Variants in CLEC18A observed in about 807,000 individuals in gnomAD.
The protein encoded by CLEC18A is mannose receptor-like 1.
Under a neutral mutation model 24.0 loss-of-function variants are expected in CLEC18A, and 5 were observed. The ratio of observed to expected loss-of-function variants is 0.21; its 90% CI spans 0.11 to 0.44. CLEC18A has a LOEUF of 0.44. Ranked by LOEUF, CLEC18A falls within the 20% of genes least tolerant of loss-of-function variation. The pLI is 0.99. For missense variants in CLEC18A, 83 were observed against 233.4 expected (o/e 0.36, Z 4.20); for synonymous variants, 29 against 100.1 (o/e 0.29, Z 4.24).
chr16:69,965,116 C>T (rs1271895391), downstream of CLEC18A, among the ~76,000 whole-genome samples: 1 of 151,594 alleles, frequency 6.6e-6, no homozygotes, highest in Non-Finnish European at 1.5e-5. Context: ...TTTCCCTCTC[C>T]CACTGCTTCC....
intron 3 of CLEC18A, among the ~76,000 whole-genome samples, chr16:69,956,176 G>C (rs1447272902): frequency 7.1e-6 from 1 of 141,472 alleles, no homozygotes; most frequent in Non-Finnish European, 1.5e-5. Context: ...GAGCCTGGGA[G>C]GTGGAGATTG....
At chr16:69,964,806 T>C (rs1483718617), downstream of CLEC18A, among the ~76,000 whole-genome samples, 1 of 151,574 alleles carries the variant, frequency 6.6e-6, no homozygotes, top group Non-Finnish European at 1.5e-5. Flanking sequence ...CCCGGCCCTA[T>C]TTTTTTCTTT....
At chr16:69,948,374 GTT>G (rs59792189), upstream of CLEC18A, among the ~76,000 whole-genome samples, 1 of 126,534 alleles carries the variant, frequency 7.9e-6, no homozygotes, top group Admixed American at 8.0e-5. Context: ...AGAGTTAAAT[GTT>G]TTTTTTGTTT....
upstream of CLEC18A, among the ~76,000 whole-genome samples, chr16:69,946,379 T>A (rs1373992106): frequency 7.4e-6 from 1 of 134,878 alleles, no homozygotes; most frequent in Non-Finnish European, 1.6e-5. Context: ...GTTTTACAGT[T>A]TTATGTGTAT....
At chr16:69,953,987 C>T (rs2058996906) in intron 2 of CLEC18A, among the ~76,000 whole-genome samples, 1 of 145,964 alleles carries the variant, frequency 6.9e-6, no homozygotes, top group African/African-American at 2.5e-5. Context: ...GCCTTTCTGA[C>T]AATGGCCAGG....
upstream of CLEC18A, among the ~76,000 whole-genome samples, chr16:69,948,487 C>T (rs1368265652): frequency 6.6e-6 from 1 of 151,698 alleles, no homozygotes. Flanking sequence ...CTATAACCTT[C>T]AAATGCAGAC....
chr16:69,950,263 G>A (rs2058931148), upstream of CLEC18A, among the ~76,000 whole-genome samples: 2 of 126,608 alleles, frequency 1.6e-5, 1 homozygote, highest in Non-Finnish European at 3.8e-5. Flanking sequence ...GCTCCGAGAG[G>A]GTGTGGGCTC....
downstream of CLEC18A, among the ~76,000 whole-genome samples, chr16:69,965,162 G>A (rs1959335827): frequency 1.3e-5 from 2 of 151,922 alleles, no homozygotes; most frequent in South Asian, 2.1e-4. Context: ...GCGGGCAGTT[G>A]TCCTGTGTCC....
upstream of CLEC18A, among the ~76,000 whole-genome samples, chr16:69,946,490 C>T (rs1244734887): frequency 7.0e-6 from 1 of 143,424 alleles, no homozygotes; most frequent in Non-Finnish European, 1.5e-5. Context: ...CTCCGCCTCC[C>T]GGGTTCAAGC....
chr16:69,966,312 T>G (rs1959391949), downstream of CLEC18A, among the ~76,000 whole-genome samples: 3 of 146,866 alleles, frequency 2.0e-5, 1 homozygote, highest in African/African-American at 7.4e-5. Flanking sequence ...AACTCCATCT[T>G]GAGTAGGCGC....
the CLEC18A span, among the ~76,000 whole-genome samples, chr16:69,943,722 CATG>C: frequency 6.7e-6 from 1 of 148,246 alleles, no homozygotes; most frequent in Non-Finnish European, 1.5e-5. Context: ...CATCTGTGTG[CATG>C]ATATGTGAGC....
intron 3 of CLEC18A, among the ~76,000 whole-genome samples, chr16:69,956,406 T>G: frequency 8.0e-6 from 1 of 124,796 alleles, no homozygotes; most frequent in Non-Finnish European, 1.6e-5. Flanking sequence ...CGCAGGCTAC[T>G]GTGCAGTGGC....
In CLEC18A at chr16:69,962,893, G is replaced by A. The variant is rs974193681; in HGVS notation, c.1212-83G>A. The A allele has an allele frequency of 2.2e-6, 3 of 1,378,024 alleles. No individual in the cohort carries two copies. In the African/African-American group the frequency reaches 4.2e-5, roughly 19 times the overall value. 85.4% of individuals were successfully genotyped at this position (1,378,024 alleles called of 1,614,324 possible). A position where few individuals can be genotyped will look rare whatever the true frequency, so the allele number is the denominator to read the frequency against. On this transcript the variant is annotated intron_variant, in intron 10 of 11. Coordinates refer to ENST00000288040, the MANE Select transcript of CLEC18A (RefSeq NM_001370523.4). ...GGGGCACTGGAGCCCCTGAGATGCA[G>A]GGTCCTGATGGGTGGAGGGCTTAGG... is the stretch of plus-strand genomic sequence containing the variant.
At chr16:69,955,959 C>T (rs1447987830) in intron 3 of CLEC18A, among the ~76,000 whole-genome samples, 13 of 151,968 alleles carry the variant, frequency 8.6e-5, no homozygotes, top group Admixed American at 2.6e-4. Flanking sequence ...TTAAATATTA[C>T]ACAAGGCTGG....
At chr16:69,956,395 G>C (rs1013136322) in intron 3 of CLEC18A, among the ~76,000 whole-genome samples, 8 of 122,242 alleles carry the variant, frequency 6.5e-5, no homozygotes, top group Non-Finnish European at 8.1e-5. Flanking sequence ...TTGCTCTGTC[G>C]CGCAGGCTAC....
At chr16:69,964,281 T>C (rs995664146), downstream of CLEC18A, 10 of 147,670 alleles carry the variant, frequency 6.8e-5, no homozygotes, top group African/African-American at 2.5e-4. Flanking sequence ...ACCGGCGGAG[T>C]GTCATCGCAC....
downstream of CLEC18A, among the ~76,000 whole-genome samples, chr16:69,965,916 TTCAC>T (rs994681840): frequency 1.1e-4 from 6 of 54,340 alleles, 2 homozygotes; most frequent in Non-Finnish European, 1.5e-4. Context: ...GCGTTTGTCA[TTCAC>T]TCTACCAGGC....
chr16:69,946,104 AAGAAAAG>A (rs1440535064), upstream of CLEC18A, among the ~76,000 whole-genome samples: 8 of 50,180 alleles, frequency 1.6e-4, no homozygotes, highest in African/African-American at 1.1e-3. Context: ...AAAAAAAAAA[AAGAAAAG>A]AAAAAAAAAG....
chr16:69,950,313 G>T (rs1567456297), upstream of CLEC18A, among the ~76,000 whole-genome samples: 1 of 127,746 alleles, frequency 7.8e-6, no homozygotes, highest in Non-Finnish European at 1.9e-5. Flanking sequence ...GGAGGACGTA[G>T]TTGGTTTGCA....
Sources: allele counts gnomAD v4.1 joint callset (sites outside exome capture counted in the v4.1 genomes callset), GRCh38; gene constraint gnomAD v4.1.1; transcripts MANE v1.5; gene names NCBI Gene and HGNC (gene_info 2026-07-23, HGNC 2026-07-21).